DPP6: variants seen among roughly 807,000 people sequenced by gnomAD.
The protein encoded by DPP6 is A-type potassium channel modulatory protein DPP6.
DPP6 carries 69 observed loss-of-function variants against 122.6 expected under a neutral mutation model. The ratio of observed to expected loss-of-function variants is 0.56; its 90% CI spans 0.46 to 0.69. The LOEUF (loss-of-function observed/expected upper bound fraction) is 0.69, where lower values mean the gene tolerates loss of function less well. DPP6 is among the 30% of genes least tolerant of loss of function. The pLI, the probability that DPP6 is intolerant of heterozygous loss-of-function variation, is 0.00. For synonymous variants in DPP6, 418 were observed against 433.1 expected (o/e 0.97, Z 0.43); for missense variants, 928 against 1,116.9 (o/e 0.83, Z 2.41).
intron 1 of DPP6, among the ~76,000 whole-genome samples, chr7:154,414,260 T>C (rs779302234): frequency 7.2e-5 from 11 of 152,224 alleles, no homozygotes; most frequent in Non-Finnish European, 1.3e-4. Context: ...GAGAAGAGCC[T>C]GTCTAGCACA....
intron 1 of DPP6, among the ~76,000 whole-genome samples, chr7:153,951,370 C>T (rs58354922): frequency 0.28 from 42,465 of 151,982 alleles, 6,466 homozygotes; most frequent in East Asian, 0.59. Flanking sequence ...GAGATTCCAG[C>T]GGGTTAGAAG....
chr7:154,160,383 G>A (rs1796918641), intron 1 of DPP6, among the ~76,000 whole-genome samples: 1 of 152,222 alleles, frequency 6.6e-6, no homozygotes, highest in Non-Finnish European at 1.5e-5. Context: ...GTTTCCACAA[G>A]TGCTTCCCCA....
intron 2 of DPP6, among the ~76,000 whole-genome samples, chr7:154,463,270 C>T (rs552456271): frequency 1.1e-3 from 152 of 139,292 alleles, no homozygotes; most frequent in Middle Eastern, 4.3e-3. Context: ...TGCAGTGGCA[C>T]GATCTCGACT....
intron 3 of DPP6, among the ~76,000 whole-genome samples, chr7:154,511,173 A>T (rs1826065636): frequency 6.6e-6 from 1 of 152,198 alleles, no homozygotes; most frequent in Non-Finnish European, 1.5e-5. Context: ...AGGGAGATTC[A>T]CCTCAATCTA....
At chr7:154,453,344 C>A (rs1820553541) in intron 2 of DPP6, among the ~76,000 whole-genome samples, 1 of 152,110 alleles carries the variant, frequency 6.6e-6, no homozygotes, top group African/African-American at 2.4e-5. Flanking sequence ...TATCAGAACA[C>A]AAGACTCGTC....
intron 1 of DPP6, among the ~76,000 whole-genome samples, chr7:154,406,281 T>G (rs1216299606): frequency 1.3e-5 from 2 of 152,222 alleles, no homozygotes; most frequent in African/African-American, 4.8e-5. Flanking sequence ...AAACATTCTC[T>G]TTTATTAAAC....
Position 154,346,636 on chromosome 7 carries a change from CCT to C in DPP6, c.244-99577_244-99576del, listed in dbSNP as rs1810421316. ...CTTCACACTTTTAATTGGGACCCCC[CCT>C]GTGTCTTGAGGGACTCTGAGTGGCA... On this transcript the variant is annotated intron_variant, in intron 1 of 25. Transcript: ENST00000377770. Among the ~76,000 whole-genome samples, 3 of 152,228 alleles carry C rather than the reference CCT, an allele frequency of 2.0e-5. No individual in the cohort carries two copies. The South Asian group carries it at 6.2e-4, about 32-fold the overall frequency.
At chr7:154,353,433 T>C (rs568835968) in intron 1 of DPP6, among the ~76,000 whole-genome samples, 78 of 151,754 alleles carry the variant, frequency 5.1e-4, no homozygotes, top group African/African-American at 1.7e-3. Context: ...TTGGAAAGAG[T>C]GCACGCTGAG....
chr7:154,043,640 G>C (rs1414996704), intron 1 of DPP6, among the ~76,000 whole-genome samples: 1 of 148,746 alleles, frequency 6.7e-6, no homozygotes, highest in Non-Finnish European at 1.5e-5. Flanking sequence ...GTTATCCTAG[G>C]GATTTGAATA....
At chr7:154,413,714 C>A (rs1816801926) in intron 1 of DPP6, among the ~76,000 whole-genome samples, 1 of 152,024 alleles carries the variant, frequency 6.6e-6, no homozygotes, top group Admixed American at 6.6e-5. Context: ...GAGTCAAATT[C>A]TTTCTTTGTA....
At chr7:153,978,154 A>G (rs1426886201) in intron 1 of DPP6, among the ~76,000 whole-genome samples, 1 of 152,210 alleles carries the variant, frequency 6.6e-6, no homozygotes, top group Non-Finnish European at 1.5e-5. Context: ...GGTTGAACTA[A>G]TTTATACTCC....
intron 6 of DPP6, among the ~76,000 whole-genome samples, chr7:154,667,440 A>C (rs2131089639): frequency 6.6e-6 from 1 of 152,320 alleles, no homozygotes; most frequent in East Asian, 1.9e-4. Context: ...ATAACATACA[A>C]ATGTTGGCTG....
At chr7:153,893,682 C>A (rs1417057355) in intron 1 of DPP6, among the ~76,000 whole-genome samples, 1 of 152,164 alleles carries the variant, frequency 6.6e-6, no homozygotes, top group South Asian at 2.1e-4. Flanking sequence ...TTTGAGGAGG[C>A]GTAGAAGTCA....
At chr7:154,017,922 C>T (rs887233125) in intron 1 of DPP6, among the ~76,000 whole-genome samples, 5 of 151,994 alleles carry the variant, frequency 3.3e-5, no homozygotes, top group Non-Finnish European at 7.4e-5. Context: ...AGTCATAAAG[C>T]ATCACATAAA....
At chr7:154,646,832 G>A (rs1262150845) in intron 6 of DPP6, among the ~76,000 whole-genome samples, 2 of 152,138 alleles carry the variant, frequency 1.3e-5, no homozygotes, top group East Asian at 3.9e-4. Context: ...CTCTTTCCAG[G>A]TGCAGGTCTC....
chr7:154,416,688 G>A (rs1393403145), intron 1 of DPP6, among the ~76,000 whole-genome samples: 2 of 34,374 alleles, frequency 5.8e-5, no homozygotes, highest in Non-Finnish European at 1.9e-4. Flanking sequence ...CCAAGGATCA[G>A]GGGAGCAATT....
intron 1 of DPP6, among the ~76,000 whole-genome samples, chr7:153,988,341 C>T (rs1374798267): frequency 3.5e-5 from 5 of 142,064 alleles, no homozygotes; most frequent in African/African-American, 8.0e-5. Flanking sequence ...CAGGATGGCC[C>T]TCCTGGTTGC....
At chr7:153,978,135 T>G (rs1332227688) in intron 1 of DPP6, among the ~76,000 whole-genome samples, 1 of 152,260 alleles carries the variant, frequency 6.6e-6, no homozygotes, top group Non-Finnish European at 1.5e-5. Flanking sequence ...CCACACTGTC[T>G]TCCACAATGG....
chr7:154,061,297 T>G (rs1390600380), intron 1 of DPP6, among the ~76,000 whole-genome samples: 2 of 148,770 alleles, frequency 1.3e-5, no homozygotes, highest in African/African-American at 4.9e-5. Context: ...CAAGAAAATC[T>G]TCTGGCAGCC....
Sources: gnomAD v4.1 joint callset for allele counts (sites outside exome capture counted in the v4.1 genomes callset) on GRCh38, gnomAD v4.1.1 for gene constraint, MANE v1.5 for transcripts, NCBI Gene and HGNC (gene_info 2026-07-23, HGNC 2026-07-21) for gene names.